The following SUPT20H variants were observed in gnomAD, a reference collection of about 807,000 sequenced individuals.
SUPT20H encodes the protein transcription factor SPT20 homolog.
Under a neutral mutation model 122.8 loss-of-function variants are expected in SUPT20H, and 82 were observed. The observed-to-expected ratio is 0.67, with a 90% CI of 0.56 to 0.80. SUPT20H has a LOEUF of 0.80. SUPT20H is among the 30% of genes least tolerant of loss of function. The pLI is 0.00. For synonymous variants in SUPT20H, 291 were observed against 313.0 expected, an observed-to-expected ratio of 0.93 and a Z score of 0.74; for missense variants, 831 against 921.6, an observed-to-expected ratio of 0.90 and a Z score of 1.27.
At chr13:37,057,482 G>T (rs2069362882) in intron 1 of SUPT20H, among the ~76,000 whole-genome samples, 1 of 136,762 alleles carries the variant, frequency 7.3e-6, no homozygotes, top group South Asian at 2.5e-4. Flanking sequence ...GTTTTGCTTT[G>T]ATTTTTGGTG....
At chr13:37,043,654 T>C (rs1201165894) in intron 7 of SUPT20H, among the ~76,000 whole-genome samples, 1 of 152,012 alleles carries the variant, frequency 6.6e-6, no homozygotes, top group Non-Finnish European at 1.5e-5. Flanking sequence ...CTTCTATTAT[T>C]ATTAGTTTTA....
chr13:37,026,318 T>C (rs890569222), intron 15 of SUPT20H, 82 bp from the exon 16 acceptor site: 65 of 1,076,882 alleles, frequency 6.0e-5, no homozygotes, highest in Middle Eastern at 2.2e-4. Context: ...CTTTTGAATC[T>C]TCCATGTTTT....
chr13:37,031,100 C>A (rs190822167), intron 12 of SUPT20H, among the ~76,000 whole-genome samples: 241 of 152,170 alleles, frequency 1.6e-3, no homozygotes, highest in Non-Finnish European at 2.8e-3. Context: ...AAGAATACAA[C>A]CCAATGTTCC....
Position 37,058,494 on chromosome 13 carries a change from C to A in SUPT20H, c.-94+1065G>T, listed in dbSNP as rs376969140. ...ACAAAATGTGATGACTTTAAGATTT[C>A]TTGTCACTAAATTGGGGATGGGGGC... On this transcript the variant is annotated intron_variant, in intron 1 of 25. Transcript: ENST00000350612. Among the ~76,000 whole-genome samples, 13 of 152,250 alleles carry A rather than the reference C, an allele frequency of 8.5e-5. No individual in the cohort carries two copies. In the South Asian group the frequency reaches 1.9e-3, roughly 22 times the overall value.
intron 1 of SUPT20H, among the ~76,000 whole-genome samples, chr13:37,055,424 G>A (rs1051575096): frequency 3.3e-5 from 5 of 152,096 alleles, no homozygotes; most frequent in African/African-American, 9.7e-5. Context: ...CAGAGATATA[G>A]ACCAATGGAA....
At chr13:37,028,926 T>G (rs1303271326) in intron 13 of SUPT20H, among the ~76,000 whole-genome samples, 1 of 150,878 alleles carries the variant, frequency 6.6e-6, no homozygotes, top group Non-Finnish European at 1.5e-5. Flanking sequence ...AATTTCATAC[T>G]AGATATATGA....
chr13:37,042,855 T>G (rs1456323126), intron 7 of SUPT20H, among the ~76,000 whole-genome samples: 2 of 152,146 alleles, frequency 1.3e-5, no homozygotes, highest in African/African-American at 4.8e-5. Flanking sequence ...TTTTTTAAAA[T>G]TTGAGACATA....
At chr13:37,017,984 C>G (rs1175214310) in intron 22 of SUPT20H, among the ~76,000 whole-genome samples, 1 of 152,064 alleles carries the variant, frequency 6.6e-6, no homozygotes, top group Admixed American at 6.5e-5. Context: ...CAATGCTTTT[C>G]AAATGCACCA....
chr13:37,012,348 A>G, intron 23 of SUPT20H, 51 bp from the exon 24 acceptor site: 6 of 1,458,874 alleles, frequency 4.1e-6, no homozygotes, highest in Non-Finnish European at 5.7e-6. Context: ...AACAAATTTG[A>G]GCTGGTGAAA....
Position 37,044,092 on chromosome 13 carries a change from G to A in SUPT20H, c.382C>T (p.Leu128=). 1 of 1,610,670 alleles carries A rather than the reference G, an allele frequency of 6.2e-7. No homozygotes were observed. The highest frequency in any genetic ancestry group is 8.5e-7 in the Non-Finnish European group (1 of 1,178,506). ...EELPPILVDL[L]EKSQVNIFHC... ...AAATTTTGTACCTGAGATTTTTCTA[G>A]GAGATCAACCAAAATAGGAGGTAAT... The change falls in exon 7 of 26, where the codon CTA becomes TTA. Residue 128 remains leucine (L), a synonymous_variant. Transcript: ENST00000350612.
chr13:37,018,505 T>G (rs2060915839), intron 22 of SUPT20H, among the ~76,000 whole-genome samples: 1 of 152,230 alleles, frequency 6.6e-6, no homozygotes. Flanking sequence ...GCTGATCTGT[T>G]ATTGTTATTT....
chr13:37,023,909 A>C, intron 19 of SUPT20H, 126 bp downstream of exon 19: 1 of 899,766 alleles, frequency 1.1e-6, no homozygotes, highest in East Asian at 2.7e-5. Context: ...GCTTCTAGCA[A>C]CTTATACATT....
chr13:37,020,634 C>A (rs2061341752), intron 21 of SUPT20H, among the ~76,000 whole-genome samples: 1 of 152,174 alleles, frequency 6.6e-6, no homozygotes, highest in South Asian at 2.1e-4. Flanking sequence ...AATAAGAACA[C>A]TAGCTAGAAT....
At chr13:37,047,451 A>C in intron 5 of SUPT20H, 84 bp downstream of exon 5, 1 of 1,334,690 alleles carries the variant, frequency 7.5e-7, no homozygotes, top group Non-Finnish European at 9.8e-7. Flanking sequence ...TCACACACAC[A>C]AAAATAATAC....
chr13:37,012,410 G>A (rs1593793867), intron 23 of SUPT20H, 113 bp from the exon 24 acceptor site: 2 of 673,810 alleles, frequency 3.0e-6, no homozygotes, highest in East Asian at 5.3e-5. Flanking sequence ...GACTAGTCTT[G>A]TAAAAAGAAT....
intron 9 of SUPT20H, among the ~76,000 whole-genome samples, chr13:37,035,234 T>TA (rs1201377888): frequency 6.6e-6 from 1 of 152,182 alleles, no homozygotes; most frequent in African/African-American, 2.4e-5. Context: ...CAAAGTAAAT[T>TA]AAAAACTTTC....
At chr13:37,029,909 C>A in intron 12 of SUPT20H, 73 bp from the exon 13 acceptor site, 1 of 1,211,836 alleles carries the variant, frequency 8.3e-7, no homozygotes, top group South Asian at 1.5e-5. Context: ...GTATTCTGAT[C>A]AAAGAGAAGA....
In SUPT20H at chr13:37,023,758, T is replaced by C. The variant is rs2061745392; in HGVS notation, c.1591+277A>G. ...TTGAAATCTTATTGCCACATGTAAC[T>C]ACCAGGTTATTTTTTTAAGGAGATG... On this transcript the variant is annotated intron_variant, in intron 19 of 25. Transcript: ENST00000350612. 3 of 266,424 alleles carry C rather than the reference T, an allele frequency of 1.1e-5. No individual in the cohort carries two copies. In the East Asian group the frequency reaches 2.0e-4, roughly 18 times the overall value. 16.5% of individuals were successfully genotyped at this position (266,424 alleles called of 1,614,324 possible).
At chr13:37,013,927 A>C (rs2060006254) in intron 23 of SUPT20H, 2 of 152,182 alleles carry the variant, frequency 1.3e-5, no homozygotes, top group Middle Eastern at 6.8e-3. Flanking sequence ...AAAACTCAAA[A>C]TGCAAAAAAA....
Sources: allele counts gnomAD v4.1 joint callset (sites outside exome capture counted in the v4.1 genomes callset), GRCh38; gene constraint gnomAD v4.1.1; transcripts MANE v1.5; gene names NCBI Gene and HGNC (gene_info 2026-07-23, HGNC 2026-07-21).